SHCBP1: variants seen among roughly 807,000 people sequenced by gnomAD.
SHCBP1 encodes SHC binding and spindle associated 1.
In SHCBP1, 60 loss-of-function variants were observed where a neutral mutation model predicts 75.1. The ratio of observed to expected loss-of-function variants is 0.80; its 90% confidence interval spans 0.65 to 0.99. The LOEUF (loss-of-function observed/expected upper bound fraction) is 0.99, where lower values mean the gene tolerates loss of function less well. Among genes scored for constraint, SHCBP1 ranks in the 50% least tolerant of loss-of-function variants. The pLI, the probability that SHCBP1 is intolerant of heterozygous loss-of-function variation, is 0.00. For synonymous variants in SHCBP1, 290 were observed against 293.2 expected (o/e 0.99, Z 0.11); for missense variants, 709 against 809.4 (o/e 0.88, Z 1.50).
chr16:46,617,426 T>G (rs1361658544), intron 3 of SHCBP1, among the ~76,000 whole-genome samples: 1 of 152,260 alleles, frequency 6.6e-6, no homozygotes. Context: ...TTTTAATTAA[T>G]TTGAACCAGT....
At chr16:46,612,237 A>C (rs1965426887) in intron 4 of SHCBP1, among the ~76,000 whole-genome samples, 4 of 152,238 alleles carry the variant, frequency 2.6e-5, no homozygotes, top group Admixed American at 1.3e-4. Flanking sequence ...AGGCAGGATG[A>C]GATCAGTGAA....
chr16:46,600,560 A>G (rs914596132), intron 8 of SHCBP1, among the ~76,000 whole-genome samples: 5 of 152,246 alleles, frequency 3.3e-5, no homozygotes, highest in African/African-American at 1.2e-4. Flanking sequence ...TCTAACTCTA[A>G]CATTCTATGA....
chr16:46,581,510 C>A lies in SHCBP1; in HGVS notation c.*219G>T, dbSNP rs1212592865. ...AAAGCAAGACTTTCAGATAAGCAATCTCCAAATATTTTCTATTTTATATGC... is the reference window on the plus strand; with the variant it reads ...AAAGCAAGACTTTCAGATAAGCAATATCCAAATATTTTCTATTTTATATGC... On this transcript the variant is annotated 3_prime_UTR_variant, in exon 13 of 13. Transcript: ENST00000303383. The A allele has an allele frequency of 6.0e-6, 3 of 499,486 alleles. No individual in the cohort carries two copies. Among genetic ancestry groups the A allele is most frequent in the Non-Finnish European group, 1.1e-5 (3 of 284,900 alleles). 30.9% of individuals were successfully genotyped at this position (499,486 alleles called of 1,614,324 possible). A position where few individuals can be genotyped will look rare whatever the true frequency, so the allele number is the denominator to read the frequency against.
chr16:46,620,959 A>C (rs1469599086), intron 1 of SHCBP1: 2 of 364,352 alleles, frequency 5.5e-6, no homozygotes, highest in African/African-American at 4.2e-5. Flanking sequence ...CAGTTCCCGC[A>C]AAACCCATCC....
At chr16:46,613,354 A>C (rs906700396) in intron 4 of SHCBP1, among the ~76,000 whole-genome samples, 1 of 152,180 alleles carries the variant, frequency 6.6e-6, no homozygotes, top group African/African-American at 2.4e-5. Context: ...CAAAACACAA[A>C]ACTAGTCATA....
chr16:46,619,863 C>T (rs773682861), intron 1 of SHCBP1, among the ~76,000 whole-genome samples: 8 of 151,988 alleles, frequency 5.3e-5, no homozygotes, highest in African/African-American at 9.7e-5. Context: ...GGTGAAACCC[C>T]GTCTCTACTA....
intron 5 of SHCBP1, among the ~76,000 whole-genome samples, chr16:46,606,411 G>A (rs755764199): frequency 5.9e-5 from 9 of 152,202 alleles, no homozygotes; most frequent in South Asian, 4.2e-4. Flanking sequence ...AAGTACCACC[G>A]TGTCTTCTGC....
Position 46,599,911 on chromosome 16 carries a change from G to A in SHCBP1, c.1265C>T (p.Thr422Ile). ...ATCAGCACCAGTGCAGTCCACAAAA[G>A]TGTCGCCTTTGCCCCTCTTTTCTAT... ...IVIEKRGKGD[T>I]FVDCTGADIK... Residue 422 changes from threonine to isoleucine, a missense_variant, in exon 9 of 13, where the codon ACT becomes ATT. Physicochemically the swap from Thr to Ile is moderately conservative, Grantham distance 89. Transcript: ENST00000303383. 1.2e-6 allele frequency: 2 copies of A among 1,613,594 alleles called. No homozygotes were observed. The highest frequency in any genetic ancestry group is 1.7e-6 in the Non-Finnish European group (2 of 1,179,882).
At chr16:46,599,738 G>A (rs1965202051) in intron 9 of SHCBP1, 93 bp downstream of exon 9, 5 of 903,796 alleles carry the variant, frequency 5.5e-6, no homozygotes, top group South Asian at 2.2e-5. Context: ...CTGTACTCAA[G>A]AGTGGCATTT....
rs150403105 is a variant in SHCBP1, at chr16:46,610,262, T to G, written c.597-1873A>C. 3.3e-4 allele frequency among the ~76,000 whole-genome samples: 50 copies of G among 152,280 alleles called. No homozygotes were observed. In the East Asian group the frequency reaches 9.3e-3, roughly 28 times the overall value. On this transcript the variant is annotated intron_variant, in intron 4 of 12. Transcript: ENST00000303383. ...TCACACACATCAAATCATTCACAAA[T>G]TTTTAGTATGTATCTCTAAAATAAA...
chr16:46,620,662 T>C (rs1965571824), intron 1 of SHCBP1: 1 of 152,028 alleles, frequency 6.6e-6, no homozygotes, highest in South Asian at 2.1e-4. Context: ...CAACCGAAAG[T>C]GTTAACGTAA....
At chr16:46,588,649 G>A (rs919629624) in intron 10 of SHCBP1, among the ~76,000 whole-genome samples, 4 of 152,112 alleles carry the variant, frequency 2.6e-5, no homozygotes, top group African/African-American at 4.8e-5. Context: ...GAATAGACCA[G>A]TAACAGGTTC....
intron 2 of SHCBP1, 72 bp from the exon 3 acceptor site, chr16:46,617,821 C>G (rs145978112): frequency 8.6e-7 from 1 of 1,164,632 alleles, no homozygotes; most frequent in African/African-American, 1.5e-5. Flanking sequence ...TCCACTTTCT[C>G]AGAAACAACT....
intron 10 of SHCBP1, among the ~76,000 whole-genome samples, chr16:46,587,537 G>A (rs8049458): frequency 6.6e-6 from 1 of 152,112 alleles, no homozygotes; most frequent in South Asian, 2.1e-4. Flanking sequence ...ACAGAATATA[G>A]GCAAGTTGAA....
chr16:46,584,496 T>C (rs1312573842), intron 10 of SHCBP1, among the ~76,000 whole-genome samples: 3 of 152,198 alleles, frequency 2.0e-5, no homozygotes, highest in African/African-American at 7.2e-5. Flanking sequence ...AGATAAGTAT[T>C]TGAATTTAGT....
intron 9 of SHCBP1, among the ~76,000 whole-genome samples, chr16:46,597,887 A>G (rs1487084597): frequency 2.0e-5 from 3 of 152,198 alleles, no homozygotes; most frequent in Non-Finnish European, 2.9e-5. Flanking sequence ...TTGTCATTCA[A>G]CCATGTTCAC....
chr16:46,603,902 T>C, intron 7 of SHCBP1, 73 bp downstream of exon 7: 3 of 1,527,354 alleles, frequency 2.0e-6, no homozygotes, highest in East Asian at 2.3e-5. Context: ...GTAAATACTT[T>C]GTGGGATTTG....
Position 46,603,553 on chromosome 16 carries a change from G to A in SHCBP1, c.1199C>T (p.Ser400Phe). The A allele has an allele frequency of 6.2e-7, 1 of 1,614,106 alleles. No homozygotes were observed. The highest frequency in any genetic ancestry group is 8.5e-7 in the Non-Finnish European group (1 of 1,180,010). ...TCCATACTCACCTTCCAACTCAATGGAGTCAGCAATGGAGAAAGTGCCATG... is the reference window on the plus strand; with the variant it reads ...TCCATACTCACCTTCCAACTCAATGAAGTCAGCAATGGAGAAAGTGCCATG... ...VVHGTFSIAD[S>F]IELEGYGLPD... is the part of the protein sequence containing the mutation. Residue 400 changes from serine (S) to phenylalanine (F), a missense_variant, in exon 8 of 13, where the codon TCC becomes TTC. By Grantham distance (155) the Ser-to-Phe change is radical. Coordinates refer to ENST00000303383, the MANE Select transcript of SHCBP1 (RefSeq NM_024745.5).
At chr16:46,585,098 A>G (rs1413721202) in intron 10 of SHCBP1, among the ~76,000 whole-genome samples, 2 of 152,212 alleles carry the variant, frequency 1.3e-5, no homozygotes, top group South Asian at 2.1e-4. Flanking sequence ...TGGGGCGACT[A>G]TGTTTAAAAA....
Sources: gnomAD v4.1 joint callset for allele counts (sites outside exome capture counted in the v4.1 genomes callset) on GRCh38, gnomAD v4.1.1 for gene constraint, MANE v1.5 for transcripts, NCBI Gene and HGNC (gene_info 2026-07-23, HGNC 2026-07-21) for gene names.